RPS6KC1: variants seen among roughly 807,000 people sequenced by gnomAD.
RPS6KC1 encodes the protein inactive ribosomal protein S6 kinase delta-1.
RPS6KC1 carries 54 observed loss-of-function variants against 103.8 expected under a neutral mutation model. That is an observed-to-expected ratio of 0.52 (90% CI 0.42 to 0.65). RPS6KC1 has a LOEUF of 0.65. Among genes scored for constraint, RPS6KC1 ranks in the 30% least tolerant of loss-of-function variants. The pLI is 0.00. For missense variants in RPS6KC1, 1,151 were observed against 1,253.8 expected (o/e 0.92, Z 1.24); for synonymous variants, 439 against 438.7 (o/e 1.00, Z -0.01).
In RPS6KC1 at chr1:213,274,086, T is replaced by C. The variant is rs2095096504; in HGVS notation, c.*1452T>C. 4 of 152,202 alleles carry C rather than the reference T, an allele frequency of 2.6e-5. No individual in the cohort carries two copies. Among genetic ancestry groups the C allele is most frequent in the African/African-American group, 9.7e-5 (4 of 41,446 alleles). 9.4% of individuals were successfully genotyped at this position (152,202 alleles called of 1,614,324 possible). A position where few individuals can be genotyped will look rare whatever the true frequency, so the allele number is the denominator to read the frequency against. On this transcript the variant is annotated 3_prime_UTR_variant, in exon 15 of 15. Coordinates refer to ENST00000366960, the MANE Select transcript of RPS6KC1 (RefSeq NM_012424.6). ...GCAAGCATTTTTCCTTTTTCTATTA[T>C]TCTATTTCCCTTTTTCCTTTTTGGC...
the RPS6KC1 span, among the ~76,000 whole-genome samples, chr1:213,769,434 A>T: frequency 1.3e-5 from 2 of 151,978 alleles, no homozygotes; most frequent in African/African-American, 4.8e-5. Context: ...AGTTTAGAGG[A>T]TGTCTGGAGG....
the RPS6KC1 span, among the ~76,000 whole-genome samples, chr1:213,616,146 G>A: frequency 6.6e-6 from 1 of 152,212 alleles, no homozygotes; most frequent in Non-Finnish European, 1.5e-5. Flanking sequence ...AGCTTCTAAG[G>A]AGCTTACACT....
chr1:213,289,152 T>G, the RPS6KC1 span, among the ~76,000 whole-genome samples: 1 of 151,634 alleles, frequency 6.6e-6, no homozygotes, highest in South Asian at 2.1e-4. Context: ...GTATCTAAAA[T>G]TAAAGAGTTC....
chr1:213,711,369 A>T, the RPS6KC1 span, among the ~76,000 whole-genome samples: 1 of 152,096 alleles, frequency 6.6e-6, no homozygotes, highest in African/African-American at 2.4e-5. Context: ...CAGTTCATTT[A>T]TGTTCTTCTG....
In RPS6KC1 at chr1:213,191,675, A is replaced by G. The variant is rs12086415; in HGVS notation, c.1044+15183A>G. Among the ~76,000 whole-genome samples, 1,067 of 152,038 alleles carry G rather than the reference A, an allele frequency of 7.0e-3. 14 individuals carry two copies. Among genetic ancestry groups the G allele is most frequent in the African/African-American group, 0.024 (1,011 of 41,450 alleles). ...CTCTAGCAAAGACTTCTGGTACTGT[A>G]TTGAATAACAGTGGTGAAAATGGGC... On this transcript the variant is annotated intron_variant, in intron 8 of 14. Coordinates refer to ENST00000366960, the MANE Select transcript of RPS6KC1 (RefSeq NM_012424.6).
At chr1:213,060,282 G>A (rs2077713820) in intron 1 of RPS6KC1, among the ~76,000 whole-genome samples, 3 of 152,150 alleles carry the variant, frequency 2.0e-5, no homozygotes, top group African/African-American at 7.2e-5. Flanking sequence ...TGATATTAAG[G>A]CAGTGGGAGT....
At chr1:213,804,957 G>A in the RPS6KC1 span, among the ~76,000 whole-genome samples, 1 of 152,190 alleles carries the variant, frequency 6.6e-6, no homozygotes, top group Non-Finnish European at 1.5e-5. Context: ...TCGCAACAAA[G>A]CAAGTCACAT....
In RPS6KC1 at chr1:213,071,087, T is replaced by C. The variant is rs376195686; in HGVS notation, c.141+46T>C. On this transcript the variant is annotated intron_variant, in intron 2 of 14. Coordinates refer to ENST00000366960, the MANE Select transcript of RPS6KC1 (RefSeq NM_012424.6). ...TTATTTTATGTATTTGATAAAAATT[T>C]AACTAAATGCTTTTTTGAGGAAATT... 5 of 1,182,548 alleles carry C rather than the reference T, an allele frequency of 4.2e-6. No individual in the cohort carries two copies. The African/African-American group carries it at 7.9e-5, about 19-fold the overall frequency. 73.3% of individuals were successfully genotyped at this position (1,182,548 alleles called of 1,614,324 possible).
At chr1:213,175,647 G>C (rs1295851382) in intron 7 of RPS6KC1, among the ~76,000 whole-genome samples, 1 of 152,170 alleles carries the variant, frequency 6.6e-6, no homozygotes, top group Non-Finnish European at 1.5e-5. Flanking sequence ...TTTTAAAATT[G>C]TGTGCAGAAT....
At chr1:213,739,320 T>G in the RPS6KC1 span, among the ~76,000 whole-genome samples, 1 of 152,232 alleles carries the variant, frequency 6.6e-6, no homozygotes, top group Non-Finnish European at 1.5e-5. Context: ...ACAAAATATG[T>G]GTTAATCAAC....
At chr1:213,071,097 C>T (rs1204907312) in intron 2 of RPS6KC1, 56 bp downstream of exon 2, 18 of 1,074,530 alleles carry the variant, frequency 1.7e-5, no homozygotes, top group Non-Finnish European at 2.4e-5. Flanking sequence ...TAACTAAATG[C>T]TTTTTTGAGG....
chr1:213,440,886 A>G, the RPS6KC1 span, among the ~76,000 whole-genome samples: 1 of 152,176 alleles, frequency 6.6e-6, no homozygotes, highest in Non-Finnish European at 1.5e-5. Flanking sequence ...GGTGGGTAAA[A>G]TTAGCGTCCT....
chr1:213,104,396 A>G (rs575451284), intron 3 of RPS6KC1, 58 bp from the exon 4 acceptor site: 4 of 1,148,356 alleles, frequency 3.5e-6, no homozygotes, highest in South Asian at 2.5e-5. Flanking sequence ...GACGTAAACT[A>G]TCATAAACCA....
At chr1:213,531,399 C>T in the RPS6KC1 span, among the ~76,000 whole-genome samples, 1 of 152,158 alleles carries the variant, frequency 6.6e-6, no homozygotes, top group Non-Finnish European at 1.5e-5. Flanking sequence ...GTGTCAGGCA[C>T]CACCCTAGGC....
chr1:213,746,641 G>A, the RPS6KC1 span, among the ~76,000 whole-genome samples: 1 of 152,204 alleles, frequency 6.6e-6, no homozygotes, highest in Non-Finnish European at 1.5e-5. Flanking sequence ...TTGGGAGGCT[G>A]TATTGAGAAT....
chr1:213,493,658 T>C, the RPS6KC1 span, among the ~76,000 whole-genome samples: 1 of 152,226 alleles, frequency 6.6e-6, no homozygotes, highest in Non-Finnish European at 1.5e-5. Flanking sequence ...GGAGTTGATA[T>C]CTTCTCTTCT....
intron 6 of RPS6KC1, among the ~76,000 whole-genome samples, chr1:213,158,371 G>A (rs951534192): frequency 1.3e-5 from 2 of 152,156 alleles, no homozygotes; most frequent in African/African-American, 4.8e-5. Flanking sequence ...CTAGGGCTCT[G>A]TTCAGTTTTG....
the RPS6KC1 span, among the ~76,000 whole-genome samples, chr1:213,623,012 C>T: frequency 6.6e-6 from 1 of 152,106 alleles, no homozygotes; most frequent in African/African-American, 2.4e-5. Flanking sequence ...AGAGGCAGTC[C>T]AGGAAAGCCT....
the RPS6KC1 span, among the ~76,000 whole-genome samples, chr1:213,503,141 T>A: frequency 5.3e-4 from 80 of 152,246 alleles, no homozygotes; most frequent in African/African-American, 1.4e-3. Context: ...TTCCATCTCT[T>A]CTACTTTATT....
Sources: gnomAD v4.1 joint callset for allele counts (sites outside exome capture counted in the v4.1 genomes callset) on GRCh38, gnomAD v4.1.1 for gene constraint, MANE v1.5 for transcripts, NCBI Gene and HGNC (gene_info 2026-07-23, HGNC 2026-07-21) for gene names.